Variants in GLRA3 observed in about 807,000 individuals in gnomAD.
GLRA3 encodes the protein glycine receptor subunit alpha-3.
A neutral mutation model predicts 60.4 loss-of-function variants in GLRA3; 44 were observed. That is an observed-to-expected ratio of 0.73 (90% CI 0.57 to 0.94). The LOEUF (loss-of-function observed/expected upper bound fraction) is 0.94, where lower values mean the gene tolerates loss of function less well. Ranked by LOEUF, GLRA3 falls within the 40% of genes least tolerant of loss-of-function variation. The pLI is 0.00. For synonymous variants in GLRA3, 223 were observed against 192.9 expected (o/e 1.16, Z -1.29); for missense variants, 508 against 564.6 (o/e 0.90, Z 1.02).
chr4:174,801,307 G>A (rs1739803615), intron 1 of GLRA3, among the ~76,000 whole-genome samples: 1 of 151,950 alleles, frequency 6.6e-6, no homozygotes, highest in African/African-American at 2.4e-5. Flanking sequence ...ACGTCCCTTG[G>A]TGATATTATC....
chr4:174,696,731 T>G (rs1010383440), intron 5 of GLRA3, among the ~76,000 whole-genome samples: 5 of 152,056 alleles, frequency 3.3e-5, no homozygotes, highest in African/African-American at 1.2e-4. Context: ...GTATTTTTGT[T>G]TGAAATATCT....
At chr4:174,657,494 T>G (rs978695724) in intron 8 of GLRA3, among the ~76,000 whole-genome samples, 1 of 152,046 alleles carries the variant, frequency 6.6e-6, no homozygotes, top group Non-Finnish European at 1.5e-5. Context: ...GCGTATTGCT[T>G]TACTTCTAAT....
chr4:174,674,474 G>A (rs1166586161), intron 7 of GLRA3, among the ~76,000 whole-genome samples: 2 of 152,128 alleles, frequency 1.3e-5, no homozygotes, highest in African/African-American at 4.8e-5. Context: ...TGACATTGTA[G>A]AGGCTGATGC....
In GLRA3 at chr4:174,643,729, T is replaced by G. The variant is rs1732697711; in HGVS notation, c.*57A>C. Reference sequence around the variant, plus strand: ...ACGCACACATATACACATACACACCTATGGCAGAGACACTTTCTTCTGAAT... The same window carrying G: ...ACGCACACATATACACATACACACCGATGGCAGAGACACTTTCTTCTGAAT... On this transcript the variant is annotated 3_prime_UTR_variant, in exon 10 of 10. Coordinates refer to ENST00000274093, the MANE Select transcript of GLRA3 (RefSeq NM_006529.4). The G allele has an allele frequency of 2.0e-5, 31 of 1,574,788 alleles. No individual in the cohort carries two copies. In the South Asian group the frequency reaches 3.7e-4, roughly 19 times the overall value.
At chr4:174,810,767 T>C (rs910877756) in intron 1 of GLRA3, among the ~76,000 whole-genome samples, 1 of 152,206 alleles carries the variant, frequency 6.6e-6, no homozygotes, top group African/African-American at 2.4e-5. Flanking sequence ...ATTACCACAG[T>C]AGCAGCTTCA....
At chr4:174,690,055 T>C (rs1579449647) in intron 5 of GLRA3, among the ~76,000 whole-genome samples, 1 of 152,166 alleles carries the variant, frequency 6.6e-6, no homozygotes, top group Admixed American at 6.5e-5. Context: ...TCAACATAGA[T>C]GTAACTGGCG....
At position 174,756,706 on chromosome 4, in the gene GLRA3, G is replaced by C. The variant is rs1296671899; in HGVS notation, c.267+10257C>G. ...TTTGCCCAGGCTGGAGTGCAGTGGCGCGATCTCAGCTCACTGCAAGCTCCG... is the reference window on the plus strand; with the variant it reads ...TTTGCCCAGGCTGGAGTGCAGTGGCCCGATCTCAGCTCACTGCAAGCTCCG... On this transcript the variant is annotated intron_variant, in intron 3 of 9. Transcript: ENST00000274093. Among the ~76,000 whole-genome samples, 4 of 150,458 alleles carry C rather than the reference G, an allele frequency of 2.7e-5. No homozygotes were observed. The East Asian group carries it at 7.9e-4, about 30-fold the overall frequency.
At chr4:174,740,248 G>A (rs1399330724) in intron 3 of GLRA3, among the ~76,000 whole-genome samples, 1 of 152,162 alleles carries the variant, frequency 6.6e-6, no homozygotes, top group Non-Finnish European at 1.5e-5. Flanking sequence ...GACTGTGTCA[G>A]ATTAAAGATG....
intron 9 of GLRA3, among the ~76,000 whole-genome samples, chr4:174,647,877 A>G (rs766598773): frequency 3.3e-5 from 5 of 152,220 alleles, no homozygotes; most frequent in Non-Finnish European, 5.9e-5. Context: ...CTAAATTTCT[A>G]GTGCTCAATA....
intron 7 of GLRA3, among the ~76,000 whole-genome samples, chr4:174,671,390 T>G (rs1733902059): frequency 6.6e-6 from 1 of 152,184 alleles, no homozygotes; most frequent in African/African-American, 2.4e-5. Context: ...TAAGGGTTTT[T>G]TTTTAGAAGA....
chr4:174,795,361 G>A (rs750692384), intron 1 of GLRA3, among the ~76,000 whole-genome samples: 1 of 151,720 alleles, frequency 6.6e-6, no homozygotes, highest in African/African-American at 2.4e-5. Flanking sequence ...TTTAATACTG[G>A]AAATTAAAAA....
At chr4:174,668,464 GATGT>G (rs1733766024) in intron 7 of GLRA3, among the ~76,000 whole-genome samples, 1 of 152,126 alleles carries the variant, frequency 6.6e-6, no homozygotes, top group Non-Finnish European at 1.5e-5. Flanking sequence ...GACCTGCCGA[GATGT>G]ATGCCTTTAC....
At chr4:174,673,321 C>A (rs1486194400) in intron 7 of GLRA3, among the ~76,000 whole-genome samples, 5 of 152,176 alleles carry the variant, frequency 3.3e-5, no homozygotes, top group East Asian at 1.9e-4. Flanking sequence ...ATACTTAATT[C>A]CTTCAGTGCC....
chr4:174,762,200 T>C (rs1263431478), intron 3 of GLRA3, among the ~76,000 whole-genome samples: 8 of 152,132 alleles, frequency 5.3e-5, no homozygotes, highest in African/African-American at 1.9e-4. Context: ...TTAAAATAAA[T>C]AATGGACTTT....
intron 4 of GLRA3, among the ~76,000 whole-genome samples, chr4:174,715,846 G>T (rs1735898277): frequency 1.3e-5 from 2 of 152,026 alleles, no homozygotes; most frequent in Admixed American, 1.3e-4. Flanking sequence ...AATTACTTTT[G>T]CACTAACCTA....
At chr4:174,732,341 G>A (rs751364532) in intron 3 of GLRA3, among the ~76,000 whole-genome samples, 43 of 149,030 alleles carry the variant, frequency 2.9e-4, no homozygotes, top group Non-Finnish European at 5.2e-4. Context: ...GCGACAGAGC[G>A]AGACTCCGAC....
chr4:174,822,533 A>T (rs528856839), intron 1 of GLRA3, among the ~76,000 whole-genome samples: 1 of 152,226 alleles, frequency 6.6e-6, no homozygotes, highest in African/African-American at 2.4e-5. Flanking sequence ...AGTCCTTATC[A>T]CTAGGAATTT....
chr4:174,712,910 C>CATATATATACACACATATGT (rs1735770826), intron 5 of GLRA3: 1 of 151,240 alleles, frequency 6.6e-6, no homozygotes, highest in Non-Finnish European at 1.5e-5. Flanking sequence ...CACATATATG[C>CATATATATACACACATATGT]ATATATATAC....
At chr4:174,695,752 G>A (rs973841021) in intron 5 of GLRA3, among the ~76,000 whole-genome samples, 2 of 152,040 alleles carry the variant, frequency 1.3e-5, no homozygotes, top group African/African-American at 4.8e-5. Context: ...TATCAGGCAA[G>A]ACAAAGAAAT....
Sources: gnomAD v4.1 joint callset for allele counts (sites outside exome capture counted in the v4.1 genomes callset) on GRCh38, gnomAD v4.1.1 for gene constraint, MANE v1.5 for transcripts, NCBI Gene and HGNC (gene_info 2026-07-23, HGNC 2026-07-21) for gene names.